Variants in MYRIP observed in about 807,000 individuals in gnomAD.
MYRIP encodes rab effector MyRIP.
MYRIP carries 49 observed loss-of-function variants against 98.0 expected under a neutral mutation model. That is an observed-to-expected ratio of 0.50 (90% CI 0.40 to 0.63). The LOEUF (loss-of-function observed/expected upper bound fraction) is 0.63, where lower values mean the gene tolerates loss of function less well. Ranked by LOEUF, MYRIP falls within the 30% of genes least tolerant of loss-of-function variation. The pLI is 0.00. For synonymous variants in MYRIP, 404 were observed against 409.5 expected, an observed-to-expected ratio of 0.99 and a Z score of 0.16; for missense variants, 1,004 against 1,058.2, an observed-to-expected ratio of 0.95 and a Z score of 0.71.
intron 3 of MYRIP, among the ~76,000 whole-genome samples, chr3:40,083,902 C>T (rs1381483964): frequency 6.6e-6 from 1 of 151,824 alleles, no homozygotes; most frequent in African/African-American, 2.4e-5. Context: ...CTTTGTGAGG[C>T]CAAGGTGGGC....
chr3:39,971,787 A>G (rs989736774), intron 2 of MYRIP, among the ~76,000 whole-genome samples: 1 of 151,946 alleles, frequency 6.6e-6, no homozygotes, highest in Admixed American at 6.6e-5. Context: ...TATGACAAGC[A>G]CTCCGTTCTG....
chr3:40,221,191 T>A (rs1354665231), intron 11 of MYRIP, among the ~76,000 whole-genome samples: 2 of 152,196 alleles, frequency 1.3e-5, no homozygotes, highest in Non-Finnish European at 2.9e-5. Context: ...TTTTTTTTAA[T>A]TCAACAAATG....
At chr3:39,878,491 C>G (rs1943070928) in intron 1 of MYRIP, among the ~76,000 whole-genome samples, 2 of 151,990 alleles carry the variant, frequency 1.3e-5, no homozygotes, top group African/African-American at 4.8e-5. Flanking sequence ...CATCTTAGGT[C>G]TGATTTTTCA....
chr3:39,972,598 C>T (rs141228984), intron 2 of MYRIP, among the ~76,000 whole-genome samples: 3 of 152,092 alleles, frequency 2.0e-5, no homozygotes, highest in Admixed American at 6.6e-5. Flanking sequence ...GTTATTTCGA[C>T]ATTTTGTATT....
intron 3 of MYRIP, among the ~76,000 whole-genome samples, chr3:40,082,640 G>A (rs1179852976): frequency 1.3e-5 from 2 of 152,094 alleles, no homozygotes; most frequent in Non-Finnish European, 2.9e-5. Context: ...TCTCATTAGG[G>A]CCTAGTTACC....
chr3:39,894,112 TTCTA>T (rs1943549175), intron 1 of MYRIP, among the ~76,000 whole-genome samples: 1 of 152,244 alleles, frequency 6.6e-6, no homozygotes. Context: ...TTCAGTATAT[TTCTA>T]TCTATTTATA....
intron 1 of MYRIP, among the ~76,000 whole-genome samples, chr3:39,876,181 T>A (rs1175618220): frequency 1.3e-5 from 2 of 152,322 alleles, no homozygotes; most frequent in East Asian, 3.9e-4. Context: ...TTTTTTTGTT[T>A]TCCATTTGCT....
rs751862700 is a variant in MYRIP, at chr3:40,190,456, C to T, written c.1658C>T (p.Thr553Ile). ...SPSAQLRDLD[T>I]HQVSDDLSET... is the part of the protein sequence containing the mutation. The stretch of plus-strand genomic sequence containing the variant: ...AGCGCCCAGCTCCGGGATCTAGACA[C>T]ACATCAGGTAATGGAAGTGCATGCG... Residue 553 changes from threonine to isoleucine, a missense_variant, in exon 10 of 17, where the codon ACA (threonine) becomes ATA (isoleucine). By Grantham distance (89) the Thr-to-Ile change is moderately conservative. Around this residue, in one of 3 missense-constraint regions of MYRIP, gnomAD observed 880 missense variants for 907.7 expected, o/e 0.97. Coordinates refer to ENST00000302541, the MANE Select transcript of MYRIP (RefSeq NM_015460.4). The T allele has an allele frequency of 6.3e-7, 1 of 1,587,844 alleles. No individual in the cohort carries two copies. Among genetic ancestry groups the T allele is most frequent in the Non-Finnish European group, 8.6e-7 (1 of 1,167,310 alleles).
At chr3:39,861,293 A>T (rs979298509) in intron 1 of MYRIP, among the ~76,000 whole-genome samples, 3 of 152,184 alleles carry the variant, frequency 2.0e-5, no homozygotes, top group African/African-American at 7.2e-5. Flanking sequence ...TTATACCATA[A>T]TCAAACCCCC....
chr3:40,145,199 C>T (rs548706579), intron 3 of MYRIP, among the ~76,000 whole-genome samples: 2 of 152,238 alleles, frequency 1.3e-5, no homozygotes, highest in Admixed American at 6.5e-5. Context: ...CACCAGCACC[C>T]GTACCCATGT....
At chr3:40,094,571 T>C (rs994387436) in intron 3 of MYRIP, among the ~76,000 whole-genome samples, 5 of 152,154 alleles carry the variant, frequency 3.3e-5, no homozygotes, top group Non-Finnish European at 7.4e-5. Flanking sequence ...GATAGGAATC[T>C]CATGTTTAGT....
intron 2 of MYRIP, among the ~76,000 whole-genome samples, chr3:40,032,445 A>AT (rs1947282126): frequency 1.3e-5 from 2 of 152,120 alleles, no homozygotes; most frequent in South Asian, 4.1e-4. Flanking sequence ...TTTACTTCCA[A>AT]CTATGTGGTC....
intron 3 of MYRIP, among the ~76,000 whole-genome samples, chr3:40,105,564 G>C (rs2125896279): frequency 6.6e-6 from 1 of 152,174 alleles, no homozygotes; most frequent in African/African-American, 2.4e-5. Context: ...TAAATAACCA[G>C]ATCTTGTGAG....
chr3:40,146,104 T>C (rs1385514649), intron 3 of MYRIP, among the ~76,000 whole-genome samples: 10 of 152,236 alleles, frequency 6.6e-5, no homozygotes, highest in Admixed American at 5.9e-4. Context: ...ATTATTGTTG[T>C]AATTACTTAA....
rs575288564 is a variant in MYRIP at position 39,977,430 on chromosome 3, C to G, written c.111-66620C>G. 9.6e-4 allele frequency among the ~76,000 whole-genome samples: 146 copies of G among 152,302 alleles called. 1 individual carries two copies. Among genetic ancestry groups the G allele is most frequent in the African/African-American group, 3.5e-3 (144 of 41,568 alleles). The stretch of plus-strand genomic sequence containing the variant: ...CGATGGAATTGTTACCGCCTTTGGA[C>G]AAGGATGCTTTTGTTGATATGACCA... On this transcript the variant is annotated intron_variant, in intron 2 of 16. Transcript: ENST00000302541.
intron 2 of MYRIP, among the ~76,000 whole-genome samples, chr3:39,968,454 C>T (rs535844683): frequency 1.4e-4 from 22 of 151,880 alleles, no homozygotes; most frequent in Non-Finnish European, 2.7e-4. Context: ...TGAGCCACCA[C>T]GTCTGGCCAC....
At chr3:40,209,735 A>G in intron 10 of MYRIP, 119 bp from the exon 11 acceptor site, 1 of 1,356,688 alleles carries the variant, frequency 7.4e-7, no homozygotes, top group Middle Eastern at 1.9e-4. Flanking sequence ...CAGGTAAGAA[A>G]GCTGTTACTT....
intron 2 of MYRIP, among the ~76,000 whole-genome samples, chr3:39,977,064 G>T (rs1193071277): frequency 9.5e-6 from 1 of 105,438 alleles, no homozygotes; most frequent in South Asian, 2.7e-4. Context: ...TATTCTGTGT[G>T]TTTTTTTCTC....
intron 2 of MYRIP, among the ~76,000 whole-genome samples, chr3:39,989,813 G>C (rs765615362): frequency 1.3e-5 from 2 of 152,256 alleles, no homozygotes; most frequent in African/African-American, 2.4e-5. Flanking sequence ...CATTGTGTTG[G>C]ACTGTGGGGG....
Sources: gnomAD v4.1 joint callset for allele counts (sites outside exome capture counted in the v4.1 genomes callset) on GRCh38, gnomAD v4.1.1 for gene constraint, gnomAD v4.1.1 regional missense constraint, MANE v1.5 for transcripts, NCBI Gene and HGNC (gene_info 2026-07-23, HGNC 2026-07-21) for gene names.